The following ACTR10 variants were observed in gnomAD, a reference collection of about 807,000 sequenced individuals.
ACTR10 encodes the protein actin-related protein 10.
ACTR10 carries 43 observed loss-of-function variants against 56.2 expected under a neutral mutation model. The observed-to-expected ratio is 0.77, with a 90% CI of 0.60 to 0.99. The LOEUF is 0.99. Ranked by LOEUF, ACTR10 falls within the 50% of genes least tolerant of loss-of-function variation. ACTR10 has a pLI of 0.00. For missense variants in ACTR10, 466 were observed against 507.8 expected, an observed-to-expected ratio of 0.92 and a Z score of 0.79; for synonymous variants, 170 against 176.3, an observed-to-expected ratio of 0.96 and a Z score of 0.28.
In ACTR10 at chr14:58,235,103, C is replaced by T. The variant is rs1053005530; in HGVS notation, c.*552C>T. ...AAAGTGTTGGGATTACAGGCGTGAA[C>T]CACTGTACCAGCCTATGTTGCTTGT... On this transcript the variant is annotated 3_prime_UTR_variant, in exon 13 of 13. Coordinates refer to ENST00000254286, the MANE Select transcript of ACTR10 (RefSeq NM_018477.3). 8 of 152,326 alleles carry T rather than the reference C, an allele frequency of 5.3e-5. No individual in the cohort carries two copies. Among genetic ancestry groups the T allele is most frequent in the African/African-American group, 1.9e-4 (8 of 41,416 alleles). The allele number at this position is 152,326 out of a possible 1,614,324, so 9.4% of individuals were successfully genotyped here.
chr14:58,205,455 C>T (rs182351889), intron 2 of ACTR10, among the ~76,000 whole-genome samples: 59 of 151,202 alleles, frequency 3.9e-4, no homozygotes, highest in African/African-American at 1.4e-3. Flanking sequence ...GCTGGGACTA[C>T]AGTTGCCCGC....
At chr14:58,217,901 T>C (rs555206617) in intron 7 of ACTR10, among the ~76,000 whole-genome samples, 2 of 152,200 alleles carry the variant, frequency 1.3e-5, no homozygotes, top group Non-Finnish European at 2.9e-5. Context: ...TTAAATTATA[T>C]ACCAATATGT....
chr14:58,215,571 TC>T (rs1292283349), intron 7 of ACTR10, among the ~76,000 whole-genome samples: 2 of 152,074 alleles, frequency 1.3e-5, no homozygotes, highest in African/African-American at 4.8e-5. Flanking sequence ...GTCTATTATT[TC>T]CCCAAATATT....
chr14:58,232,445 A>T, intron 12 of ACTR10, among the ~76,000 whole-genome samples, 178 bp downstream of exon 12: 1 of 111,456 alleles, frequency 9.0e-6, no homozygotes, highest in African/African-American at 3.7e-5. Flanking sequence ...ACGGAGTCTC[A>T]CTCTGTCGCC....
chr14:58,235,467 AT>A lies in ACTR10; in HGVS notation c.*921del, dbSNP rs1889655132. 6.6e-6 allele frequency: 1 copy of A among 152,200 alleles called. No individual in the cohort carries two copies. The highest frequency in any genetic ancestry group is 1.5e-5 in the Non-Finnish European group (1 of 68,020). 9.4% of individuals were successfully genotyped at this position (152,200 alleles called of 1,614,324 possible). A position where few individuals can be genotyped will look rare whatever the true frequency, so the allele number is the denominator to read the frequency against. The stretch of plus-strand genomic sequence containing the variant: ...ACATTTCTAAGAAAAAAGATACTTC[AT>A]TTTTATATAAGGTTACAACTGCTTT... On this transcript the variant is annotated 3_prime_UTR_variant, in exon 13 of 13. Coordinates refer to ENST00000254286, the MANE Select transcript of ACTR10 (RefSeq NM_018477.3).
chr14:58,219,769 T>G, intron 8 of ACTR10, 40 bp downstream of exon 8: 1 of 1,392,286 alleles, frequency 7.2e-7, no homozygotes, highest in Non-Finnish European at 9.7e-7. Flanking sequence ...CATCCTTAAG[T>G]GTTACTTTGG....
At chr14:58,226,250 A>T (rs1889395770) in intron 10 of ACTR10, among the ~76,000 whole-genome samples, 1 of 151,980 alleles carries the variant, frequency 6.6e-6, no homozygotes, top group Non-Finnish European at 1.5e-5. Context: ...TGGGCAACAG[A>T]GTGAGACCCC....
At chr14:58,214,411 T>A (rs1889079683) in intron 6 of ACTR10, among the ~76,000 whole-genome samples, 1 of 152,102 alleles carries the variant, frequency 6.6e-6, no homozygotes, top group African/African-American at 2.4e-5. Flanking sequence ...TTCTTTTTTT[T>A]TTTAACTTTT....
intron 10 of ACTR10, among the ~76,000 whole-genome samples, chr14:58,228,809 G>T (rs1171565946): frequency 6.8e-6 from 1 of 147,816 alleles, no homozygotes; most frequent in East Asian, 2.0e-4. Context: ...CTCCTGAAAT[G>T]CTGGGATTAT....
Position 58,232,063 on chromosome 14 carries a change from C to A in ACTR10, c.871-3C>A. ...ATCCTTCTTTTTTTCTTTTTAATAA[C>A]AGTGTCCGATAGACACCAGGAAGCA... On this transcript the variant is annotated splice_polypyrimidine_tract_variant and splice_region_variant and intron_variant, in intron 11 of 12. Transcript: ENST00000254286. 1 of 1,598,844 alleles carries A rather than the reference C, an allele frequency of 6.3e-7. No homozygotes were observed. Among genetic ancestry groups the A allele is most frequent in the Non-Finnish European group, 8.5e-7 (1 of 1,171,626 alleles).
Position 58,219,719 on chromosome 14 carries a change from G to C in ACTR10, c.624G>C (p.Glu208Asp). 1 of 1,524,256 alleles carries C rather than the reference G, an allele frequency of 6.6e-7. No individual in the cohort carries two copies. The highest frequency in any genetic ancestry group is 8.8e-7 in the Non-Finnish European group (1 of 1,135,396). 94.4% of individuals were successfully genotyped at this position (1,524,256 alleles called of 1,614,324 possible). Residue 208 changes from glutamate to aspartate, a missense_variant, in exon 8 of 13, where the codon GAG becomes GAC. Coordinates refer to ENST00000254286, the MANE Select transcript of ACTR10 (RefSeq NM_018477.3). Reference sequence around the variant, plus strand: ...GTTCAGTTCCGGAAGGTGTCTTAGAGGACATTAAAGGTAAACTAAGTTCTC... The same window carrying C: ...GTTCAGTTCCGGAAGGTGTCTTAGACGACATTAAAGGTAAACTAAGTTCTC... ...VMGSVPEGVLEDIKARTCFVS... is the reference protein window; with the variant it reads ...VMGSVPEGVLDDIKARTCFVS...
intron 10 of ACTR10, among the ~76,000 whole-genome samples, chr14:58,226,792 G>T (rs978651831): frequency 1.3e-5 from 2 of 151,998 alleles, no homozygotes; most frequent in African/African-American, 4.8e-5. Context: ...TAGAGACGAG[G>T]TTTCTCCATG....
intron 12 of ACTR10, 131 bp downstream of exon 12, chr14:58,232,398 C>CTTT (rs1566632021): frequency 7.3e-5 from 15 of 204,992 alleles, no homozygotes; most frequent in African/African-American, 2.0e-4. Context: ...CTAACACTGA[C>CTTT]TTTTTCTTTT....
At position 58,215,095 on chromosome 14, in the gene ACTR10, G is replaced by C. The variant is rs1889100749; in HGVS notation, c.519-110G>C. On this transcript the variant is annotated intron_variant, in intron 6 of 12. Coordinates refer to ENST00000254286, the MANE Select transcript of ACTR10 (RefSeq NM_018477.3). ...CACTCCAGCCTGGGCAACAGAGTAA[G>C]ACTGTCTCCAAAAAAAAAATCATAA... 3 of 651,546 alleles carry C rather than the reference G, an allele frequency of 4.6e-6. No homozygotes were observed. The South Asian group carries it at 6.7e-5, about 15-fold the overall frequency. 40.4% of individuals were successfully genotyped at this position (651,546 alleles called of 1,614,324 possible).
intron 1 of ACTR10, among the ~76,000 whole-genome samples, chr14:58,200,604 C>T (rs552401041): frequency 3.9e-5 from 6 of 152,298 alleles, no homozygotes; most frequent in African/African-American, 1.4e-4. Context: ...CAACCGTGAC[C>T]TAGACCCCGC....
chr14:58,205,263 A>T (rs141271805), intron 2 of ACTR10, among the ~76,000 whole-genome samples: 130 of 152,088 alleles, frequency 8.5e-4, no homozygotes, highest in African/African-American at 3.0e-3. Context: ...ATGTTATAGC[A>T]GAATAGACGA....
chr14:58,229,088 T>A (rs1018310480), intron 10 of ACTR10, among the ~76,000 whole-genome samples: 2 of 152,172 alleles, frequency 1.3e-5, no homozygotes, highest in Admixed American at 1.3e-4. Context: ...ATGTCAGTTC[T>A]GTGTTATTTT....
At chr14:58,206,476 C>T (rs1888866613) in intron 2 of ACTR10, among the ~76,000 whole-genome samples, 1 of 152,124 alleles carries the variant, frequency 6.6e-6, no homozygotes, top group African/African-American at 2.4e-5. Context: ...AGCCACTGCG[C>T]CCGAACGAGT....
chr14:58,201,907 G>T (rs74818253), intron 1 of ACTR10, among the ~76,000 whole-genome samples: 1 of 151,882 alleles, frequency 6.6e-6, no homozygotes, highest in South Asian at 2.1e-4. Context: ...GGAGGCCAAG[G>T]GGGGAGGATC....
Sources: allele counts gnomAD v4.1 joint callset (sites outside exome capture counted in the v4.1 genomes callset), GRCh38; gene constraint gnomAD v4.1.1; transcripts MANE v1.5; gene names NCBI Gene and HGNC (gene_info 2026-07-23, HGNC 2026-07-21).